The following KIF13B variants were observed in gnomAD, a reference collection of about 807,000 sequenced individuals.
The protein encoded by KIF13B is kinesin-like protein KIF13B.
A neutral mutation model predicts 222.0 loss-of-function variants in KIF13B; 127 were observed. That is an observed-to-expected ratio of 0.57 (90% CI 0.50 to 0.66). The LOEUF (loss-of-function observed/expected upper bound fraction) is 0.66. KIF13B is among the 30% of genes least tolerant of loss of function. The pLI, the probability that KIF13B is intolerant of heterozygous loss-of-function variation, is 0.00. For missense variants in KIF13B, 2,173 were observed against 2,379.0 expected (o/e 0.91, Z 1.80); for synonymous variants, 976 against 919.0 (o/e 1.06, Z -1.12).
upstream of KIF13B, among the ~76,000 whole-genome samples, chr8:29,263,327 C>T (rs1012316457): frequency 1.3e-5 from 2 of 152,276 alleles, no homozygotes; most frequent in African/African-American, 4.8e-5. Flanking sequence ...ACCATTCTTG[C>T]TCTCGCAGCC....
chr8:29,207,850 C>G (rs56351509), intron 2 of KIF13B, among the ~76,000 whole-genome samples: 1 of 152,024 alleles, frequency 6.6e-6, no homozygotes, highest in Non-Finnish European at 1.5e-5. Flanking sequence ...ATGATGGCTA[C>G]TATTATAGAA....
intron 8 of KIF13B, among the ~76,000 whole-genome samples, chr8:29,178,817 G>C (rs1445486561): frequency 6.6e-6 from 1 of 151,988 alleles, no homozygotes; most frequent in Non-Finnish European, 1.5e-5. Flanking sequence ...ACTTTGCCAG[G>C]GTGATTATTT....
At chr8:29,088,594 C>T in intron 37 of KIF13B, among the ~76,000 whole-genome samples, 1 of 151,972 alleles carries the variant, frequency 6.6e-6, no homozygotes, top group East Asian at 1.9e-4. Flanking sequence ...GTGAAAATCA[C>T]AAATCTGATT....
intron 2 of KIF13B, among the ~76,000 whole-genome samples, chr8:29,211,962 T>C (rs555133518): frequency 9.6e-4 from 147 of 152,350 alleles, no homozygotes; most frequent in Non-Finnish European, 1.5e-3. Context: ...AATATGTAGC[T>C]TTTCTACCTG....
At chr8:29,231,694 A>G (rs1815291476) in intron 2 of KIF13B, among the ~76,000 whole-genome samples, 1 of 152,242 alleles carries the variant, frequency 6.6e-6, no homozygotes, top group South Asian at 2.1e-4. Context: ...GATTCTTATG[A>G]CAGTTTGCAT....
rs1481291919 is a variant in KIF13B, at chr8:29,069,393, T to A, written c.*1111A>T. The A allele has an allele frequency of 6.6e-6, 1 of 152,392 alleles. No individual in the cohort carries two copies. Among genetic ancestry groups the A allele is most frequent in the Non-Finnish European group, 1.5e-5 (1 of 68,202 alleles). 9.4% of individuals were successfully genotyped at this position (152,392 alleles called of 1,614,324 possible). On this transcript the variant is annotated 3_prime_UTR_variant, in exon 40 of 40. Coordinates refer to ENST00000524189, the MANE Select transcript of KIF13B (RefSeq NM_015254.4). ...CAGCCGCCAGGCCCCAGCCCCACACTCTGAGAGTCTGGGAGTTGCCGAGAA... is the reference window on the plus strand; with the variant it reads ...CAGCCGCCAGGCCCCAGCCCCACACACTGAGAGTCTGGGAGTTGCCGAGAA...
chr8:29,250,035 G>A, intron 1 of KIF13B: 2 of 1,289,056 alleles, frequency 1.6e-6, no homozygotes, highest in Non-Finnish European at 2.0e-6. Context: ...TAAAACCACT[G>A]CTTAATGGAA....
At chr8:29,229,714 G>A (rs1457379853) in intron 2 of KIF13B, among the ~76,000 whole-genome samples, 3 of 152,098 alleles carry the variant, frequency 2.0e-5, no homozygotes, top group Non-Finnish European at 4.4e-5. Context: ...GCAATATTAT[G>A]CAAATTGATG....
At chr8:29,107,900 C>T (rs1409263357) in intron 35 of KIF13B, among the ~76,000 whole-genome samples, 1 of 152,158 alleles carries the variant, frequency 6.6e-6, no homozygotes, top group East Asian at 1.9e-4. Context: ...GAAATTTAGA[C>T]AGAAGTACGA....
At chr8:29,101,536 C>A (rs973537451) in intron 35 of KIF13B, among the ~76,000 whole-genome samples, 6 of 152,134 alleles carry the variant, frequency 3.9e-5, no homozygotes, top group African/African-American at 1.2e-4. Context: ...GGCAGTTCTT[C>A]CCAGCAGGCA....
At position 29,165,755 on chromosome 8, in the gene KIF13B, C is replaced by T. The variant is rs765160520; in HGVS notation, c.1176G>A (p.Glu392=). 6.2e-7 allele frequency: 1 copy of T among 1,613,036 alleles called. No individual in the cohort carries two copies. The highest frequency in any genetic ancestry group is 2.2e-5 in the East Asian group (1 of 44,882). The change falls in exon 12 of 40, where the codon GAG becomes GAA. Residue 392 remains glutamate, a synonymous_variant. Coordinates refer to ENST00000524189, the MANE Select transcript of KIF13B (RefSeq NM_015254.4). ...LTKAEAMKSP[E]LKDRLEESEK... is the part of the protein sequence containing the mutation. Reference sequence around the variant, plus strand: ...CAGATTCTTCCAGCCGGTCCTTTAGCTCTGGAGATTTCATTGCCTACAAGC... The same window carrying T: ...CAGATTCTTCCAGCCGGTCCTTTAGTTCTGGAGATTTCATTGCCTACAAGC...
chr8:29,124,210 T>C (rs1810005756), intron 26 of KIF13B, 87 bp from the exon 27 acceptor site: 4 of 784,110 alleles, frequency 5.1e-6, no homozygotes, highest in Non-Finnish European at 8.4e-6. Flanking sequence ...TGCTCTACTA[T>C]GCCTTGGAAA....
chr8:29,101,645 G>T (rs1041493218), intron 35 of KIF13B, among the ~76,000 whole-genome samples: 2 of 152,172 alleles, frequency 1.3e-5, no homozygotes, highest in Non-Finnish European at 2.9e-5. Flanking sequence ...TGCCAGCCCT[G>T]CAGAGCGTGA....
chr8:29,261,313 T>C (rs889098855), intron 1 of KIF13B, among the ~76,000 whole-genome samples: 2 of 152,198 alleles, frequency 1.3e-5, no homozygotes, highest in Non-Finnish European at 1.5e-5. Context: ...ACCTTATCAA[T>C]GGCAATTTAT....
At chr8:29,134,753 A>G (rs922006305) in intron 21 of KIF13B, among the ~76,000 whole-genome samples, 4 of 152,254 alleles carry the variant, frequency 2.6e-5, no homozygotes, top group Non-Finnish European at 4.4e-5. Context: ...ATTGTTTGGG[A>G]AAACTTAAAA....
intron 18 of KIF13B, 121 bp from the exon 19 acceptor site, chr8:29,142,424 A>C (rs1810858286): frequency 3.6e-6 from 3 of 823,128 alleles, no homozygotes; most frequent in Admixed American, 5.2e-5. Context: ...ATCATCCTTT[A>C]ATCTGTTGAT....
At chr8:29,224,384 G>A (rs886146483) in intron 2 of KIF13B, among the ~76,000 whole-genome samples, 2 of 152,124 alleles carry the variant, frequency 1.3e-5, no homozygotes, top group Admixed American at 1.3e-4. Flanking sequence ...GTAAATCACT[G>A]GCCGGGCATG....
intron 36 of KIF13B, among the ~76,000 whole-genome samples, chr8:29,098,619 A>AG (rs1808649891): frequency 6.6e-6 from 1 of 151,342 alleles, no homozygotes. Flanking sequence ...AAAAAAAAAA[A>AG]GAAACTCAAG....
chr8:29,259,968 G>A (rs554977336), intron 1 of KIF13B, among the ~76,000 whole-genome samples: 2 of 152,332 alleles, frequency 1.3e-5, no homozygotes, highest in East Asian at 3.9e-4. Context: ...AACTGGCATG[G>A]AAATGAAAAG....
Sources: allele counts gnomAD v4.1 joint callset (sites outside exome capture counted in the v4.1 genomes callset), GRCh38; gene constraint gnomAD v4.1.1; transcripts MANE v1.5; gene names NCBI Gene and HGNC (gene_info 2026-07-23, HGNC 2026-07-21).